The following AGAP1 variants were observed in gnomAD, a reference collection of about 807,000 sequenced individuals.
AGAP1 encodes the protein ArfGAP with GTPase domain, ankyrin repeat and PH domain 1, also known as arf-GAP with GTPase, ANK repeat and PH domain-containing protein 1.
A neutral mutation model predicts 105.3 loss-of-function variants in AGAP1; 29 were observed. The ratio of observed to expected loss-of-function variants is 0.28; its 90% CI spans 0.21 to 0.38. The LOEUF (loss-of-function observed/expected upper bound fraction) is 0.38. Among genes scored for constraint, AGAP1 ranks in the 10% least tolerant of loss-of-function variants. The probability of loss-of-function intolerance (pLI) is 1.00; values close to 1 mark genes in which losing one functional copy is unlikely to be tolerated. For missense variants in AGAP1, 998 were observed against 1,165.1 expected, an observed-to-expected ratio of 0.86 and a Z score of 2.09; for synonymous variants, 509 against 485.9, an observed-to-expected ratio of 1.05 and a Z score of -0.63.
intron 1 of AGAP1, among the ~76,000 whole-genome samples, chr2:235,496,954 A>G (rs1333742083): frequency 6.6e-6 from 1 of 152,174 alleles, no homozygotes; most frequent in East Asian, 1.9e-4. Context: ...AGGGATGTCT[A>G]CATTATGTGG....
chr2:235,829,558 G>A (rs1430657189), intron 9 of AGAP1, among the ~76,000 whole-genome samples: 1 of 152,162 alleles, frequency 6.6e-6, no homozygotes, highest in African/African-American at 2.4e-5. Context: ...GAAGCCAGTT[G>A]GGTAGTTTTC....
At chr2:235,606,689 T>A (rs1314441535) in intron 1 of AGAP1, among the ~76,000 whole-genome samples, 1 of 152,196 alleles carries the variant, frequency 6.6e-6, no homozygotes, top group East Asian at 1.9e-4. Context: ...GGCTCACGCC[T>A]TTAATCCCAG....
chr2:236,107,547 C>T (rs919192730), intron 16 of AGAP1, among the ~76,000 whole-genome samples: 4 of 152,224 alleles, frequency 2.6e-5, no homozygotes, highest in African/African-American at 9.6e-5. Context: ...TGGTCAGGTA[C>T]TCAACAGGCA....
At chr2:235,644,467 C>G (rs1439567233) in intron 1 of AGAP1, among the ~76,000 whole-genome samples, 2 of 152,092 alleles carry the variant, frequency 1.3e-5, no homozygotes, top group Non-Finnish European at 2.9e-5. Context: ...CAGAGGATCG[C>G]CCCCGTTTAT....
At chr2:235,804,537 G>T (rs150413070) in intron 8 of AGAP1, among the ~76,000 whole-genome samples, 2 of 152,208 alleles carry the variant, frequency 1.3e-5, no homozygotes, top group African/African-American at 4.8e-5. Context: ...TGGTTGAAAG[G>T]GGGTAAACGG....
intron 2 of AGAP1, among the ~76,000 whole-genome samples, chr2:235,715,134 A>G (rs1951036480): frequency 1.3e-5 from 2 of 152,028 alleles, no homozygotes; most frequent in Admixed American, 6.6e-5. Context: ...TTCATCATCT[A>G]CTTAACCAAC....
In AGAP1 at chr2:235,799,446, G is replaced by A. The variant is rs564880147; in HGVS notation, c.881G>A (p.Arg294Gln). ...STPSTSQKEL[R>Q]IDVPPTANTP... ...CCCAGCACCAGCCAGAAGGAACTTC[G>A]GATCGATGTTCCTCCCACTGCCAAC... Residue 294 changes from arginine to glutamine, a missense_variant, in exon 8 of 18, where the codon CGG becomes CAG. By Grantham distance (43) the Arg-to-Gln change is conservative (BLOSUM62 1). Transcript: ENST00000304032. This position sits in a 1 kb window ranked among gnomAD's most constrained non-coding sequence, Gnocchi z 5.0. 5.6e-6 allele frequency: 9 copies of A among 1,614,180 alleles called. No homozygotes were observed. The highest frequency in any genetic ancestry group is 2.2e-5 in the East Asian group (1 of 44,884).
At chr2:235,816,083 T>C (rs1347518541) in intron 9 of AGAP1, among the ~76,000 whole-genome samples, 1 of 152,160 alleles carries the variant, frequency 6.6e-6, no homozygotes, top group Non-Finnish European at 1.5e-5. Context: ...GCTGTGGTGT[T>C]TTGTGTTTTG....
At position 235,951,939 on chromosome 2, in the gene AGAP1, G is replaced by T. The variant is rs1448770388; in HGVS notation, c.1484-16523G>T. On this transcript the variant is annotated intron_variant, in intron 12 of 17. Transcript: ENST00000304032. The surrounding 1 kb of genome is among the most constrained non-coding windows in gnomAD (Gnocchi z 4.2). ...CCCTGATCTACTCATTTACCATCTGGTTTGGGGAACCTTCTGTCATCCTAC... is the reference window on the plus strand; with the variant it reads ...CCCTGATCTACTCATTTACCATCTGTTTTGGGGAACCTTCTGTCATCCTAC... 1.3e-5 allele frequency among the ~76,000 whole-genome samples: 2 copies of T among 152,174 alleles called. No individual in the cohort carries two copies. Among genetic ancestry groups the T allele is most frequent in the Non-Finnish European group, 2.9e-5 (2 of 68,036 alleles).
rs918733542 is a variant in AGAP1, at chr2:235,723,023, A to T, written c.310+5379A>T. ...CTTGGTTTAGACGGTCGCTGCACTT[A>T]GAACTGTTGGAGTTGGCCCCATCAC... On this transcript the variant is annotated intron_variant, in intron 3 of 17. Transcript: ENST00000304032. This position sits in a 1 kb window ranked among gnomAD's most constrained non-coding sequence, Gnocchi z 6.2. Among the ~76,000 whole-genome samples, 3 of 152,184 alleles carry T rather than the reference A, an allele frequency of 2.0e-5. No individual in the cohort carries two copies. The highest frequency in any genetic ancestry group is 4.8e-5 in the African/African-American group (2 of 41,440).
chr2:235,682,873 A>T (rs567569794), intron 1 of AGAP1, among the ~76,000 whole-genome samples: 1 of 151,524 alleles, frequency 6.6e-6, no homozygotes. Context: ...CAGCTGCTGT[A>T]GTTCTTTTGT....
At chr2:235,686,723 G>A (rs144653556) in intron 1 of AGAP1, among the ~76,000 whole-genome samples, 247 of 143,422 alleles carry the variant, frequency 1.7e-3, no homozygotes, top group African/African-American at 4.6e-3. Context: ...GCGCAGTGGC[G>A]TGATCATGGT....
At chr2:236,022,543 T>C (rs1019214744) in intron 13 of AGAP1, among the ~76,000 whole-genome samples, 1 of 152,174 alleles carries the variant, frequency 6.6e-6, no homozygotes, top group African/African-American at 2.4e-5. Flanking sequence ...GTCTTTGTCT[T>C]TTATTTTTGG....
chr2:235,599,480 A>G lies in AGAP1; in HGVS notation c.163+104631A>G, dbSNP rs1945655494. ...GAGGGCAGTTATGTGTGATGTGGGA[A>G]ATGACTGCAAAGCTATCTTACTCTT... On this transcript the variant is annotated intron_variant, in intron 1 of 17. Coordinates refer to ENST00000304032, the MANE Select transcript of AGAP1 (RefSeq NM_001037131.3). The surrounding 1 kb of genome is among the most constrained non-coding windows in gnomAD (Gnocchi z 5.3). Among the ~76,000 whole-genome samples the G allele has an allele frequency of 6.6e-6, 1 of 152,136 alleles. No individual in the cohort carries two copies. The highest frequency in any genetic ancestry group is 1.5e-5 in the Non-Finnish European group (1 of 68,030).
At chr2:235,528,103 T>G (rs13432910) in intron 1 of AGAP1, among the ~76,000 whole-genome samples, 3,762 of 152,298 alleles carry the variant, frequency 0.025, 158 homozygotes, top group African/African-American at 0.086. Flanking sequence ...TGTCAAAAAT[T>G]GGTCTGTCAG....
chr2:235,884,746 G>A (rs35772117), intron 10 of AGAP1, among the ~76,000 whole-genome samples: 56,379 of 151,926 alleles, frequency 0.37, 10,888 homozygotes, highest in South Asian at 0.64. Flanking sequence ...GAGCCACCGC[G>A]CCTGGCCTTC....
At position 235,944,443 on chromosome 2, in the gene AGAP1, G is replaced by A. The variant is rs1396419719; in HGVS notation, c.1483+13520G>A. Among the ~76,000 whole-genome samples the A allele has an allele frequency of 2.0e-5, 3 of 152,074 alleles. No individual in the cohort carries two copies. In the East Asian group the frequency reaches 5.8e-4, roughly 29 times the overall value. On this transcript the variant is annotated intron_variant, in intron 12 of 17. Coordinates refer to ENST00000304032, the MANE Select transcript of AGAP1 (RefSeq NM_001037131.3). ...TTAAATCATAACTGGGTAAGCATAC[G>A]ACTTAAGAATTATTTCCTATGCAAA... is the stretch of plus-strand genomic sequence containing the variant.
rs887542901 is a variant in AGAP1 at position 235,964,877 on chromosome 2, A to G, written c.1484-3585A>G. 1.3e-5 allele frequency among the ~76,000 whole-genome samples: 2 copies of G among 152,208 alleles called. No individual in the cohort carries two copies. Among genetic ancestry groups the G allele is most frequent in the Admixed American group, 6.5e-5 (1 of 15,288 alleles). On this transcript the variant is annotated intron_variant, in intron 12 of 17. Coordinates refer to ENST00000304032, the MANE Select transcript of AGAP1 (RefSeq NM_001037131.3). This position sits in a 1 kb window ranked among gnomAD's most constrained non-coding sequence, Gnocchi z 4.6. The stretch of plus-strand genomic sequence containing the variant: ...GTAAGGTAAGAACTGGACCAGGGGT[A>G]CGTGGTGCTTAAATGGAGAGCAGGC...
At chr2:235,632,697 CCT>C (rs1280785209) in intron 1 of AGAP1, among the ~76,000 whole-genome samples, 5 of 152,208 alleles carry the variant, frequency 3.3e-5, no homozygotes, top group African/African-American at 1.2e-4. Context: ...GGTTCTGTCA[CCT>C]CTCCTGCTAT....
Sources: allele counts gnomAD v4.1 joint callset (sites outside exome capture counted in the v4.1 genomes callset), GRCh38; gene constraint gnomAD v4.1.1; non-coding constraint Gnocchi (gnomAD v3.1); transcripts MANE v1.5; gene names NCBI Gene and HGNC (gene_info 2026-07-23, HGNC 2026-07-21).